KCND2: variants seen among roughly 807,000 people sequenced by gnomAD.
The protein encoded by KCND2 is potassium voltage-gated channel subfamily D member 2, also known as A-type voltage-gated potassium channel KCND2.
Under a neutral mutation model 54.4 loss-of-function variants are expected in KCND2, and 16 were observed. The ratio of observed to expected loss-of-function variants is 0.29; its 90% confidence interval spans 0.20 to 0.45. The LOEUF is 0.45. Ranked by LOEUF, KCND2 falls within the 20% of genes least tolerant of loss-of-function variation. The probability of loss-of-function intolerance (pLI) is 1.00; values close to 1 mark genes in which losing one functional copy is unlikely to be tolerated. For missense variants in KCND2, 486 were observed against 824.2 expected (o/e 0.59, Z 5.02); for synonymous variants, 317 against 310.7 (o/e 1.02, Z -0.21).
chr7:120,505,211 G>T (rs1350494114), intron 1 of KCND2, among the ~76,000 whole-genome samples: 1 of 151,324 alleles, frequency 6.6e-6, no homozygotes, highest in Non-Finnish European at 1.5e-5. Flanking sequence ...GTGAAGACTG[G>T]CGTGAGGTGG....
chr7:120,345,344 G>A (rs536762977), intron 1 of KCND2, among the ~76,000 whole-genome samples: 6 of 152,086 alleles, frequency 3.9e-5, no homozygotes, highest in Non-Finnish European at 8.8e-5. Flanking sequence ...TAACTAGTAC[G>A]ATTAAGACAT....
intron 1 of KCND2, among the ~76,000 whole-genome samples, chr7:120,501,587 GT>G (rs1465010644): frequency 6.6e-6 from 1 of 152,112 alleles, no homozygotes; most frequent in Non-Finnish European, 1.5e-5. Flanking sequence ...GAAATTATTT[GT>G]AAAAGTGAAG....
chr7:120,609,560 G>A (rs912789520), intron 1 of KCND2, among the ~76,000 whole-genome samples: 1 of 152,112 alleles, frequency 6.6e-6, no homozygotes, highest in Non-Finnish European at 1.5e-5. Context: ...TTGTGTTTGA[G>A]TTTTGTGAAC....
intron 4 of KCND2, among the ~76,000 whole-genome samples, chr7:120,744,390 A>G (rs1180776239): frequency 6.6e-6 from 1 of 152,142 alleles, no homozygotes; most frequent in Non-Finnish European, 1.5e-5. Context: ...TGCTACCTAC[A>G]AAAGTATGTA....
chr7:120,336,579 A>G (rs758290596), intron 1 of KCND2, among the ~76,000 whole-genome samples: 1 of 152,224 alleles, frequency 6.6e-6, no homozygotes, highest in Non-Finnish European at 1.5e-5. Flanking sequence ...AAATAATTAC[A>G]TAAACCATTT....
At chr7:120,534,559 G>T (rs746324263) in intron 1 of KCND2, among the ~76,000 whole-genome samples, 7 of 152,116 alleles carry the variant, frequency 4.6e-5, no homozygotes, top group Non-Finnish European at 7.4e-5. Context: ...TGGGATCCTG[G>T]AACAGAAATG....
intron 1 of KCND2, among the ~76,000 whole-genome samples, chr7:120,559,458 A>G (rs752671772): frequency 1.3e-5 from 2 of 152,188 alleles, no homozygotes; most frequent in Admixed American, 6.5e-5. Flanking sequence ...AAGCTTCTGA[A>G]GATCATCCAG....
chr7:120,422,168 C>G (rs539837686), intron 1 of KCND2, among the ~76,000 whole-genome samples: 1 of 152,260 alleles, frequency 6.6e-6, no homozygotes, highest in Admixed American at 6.5e-5. Flanking sequence ...TCTGTACCTG[C>G]TTTCTATAAG....
intron 1 of KCND2, among the ~76,000 whole-genome samples, chr7:120,588,850 A>G (rs1398782147): frequency 2.0e-5 from 3 of 152,202 alleles, no homozygotes; most frequent in African/African-American, 4.8e-5. Context: ...CTTGGGACAT[A>G]ATTGTCCACC....
rs76258870 is a variant in KCND2 at position 120,342,069 on chromosome 7, T to C, written c.1115+66322T>C. On this transcript the variant is annotated intron_variant, in intron 1 of 5. Transcript: ENST00000331113. ...TAATGAAATCTATTTGACTCATGTG[T>C]TGATATTTAGAATAGGGAAGTAAGA... is the stretch of plus-strand genomic sequence containing the variant. Among the ~76,000 whole-genome samples, 11 of 152,264 alleles carry C rather than the reference T, an allele frequency of 7.2e-5. No homozygotes were observed. The East Asian group carries it at 2.1e-3, about 29-fold the overall frequency.
At chr7:120,512,781 G>A (rs1369807329) in intron 1 of KCND2, among the ~76,000 whole-genome samples, 1 of 151,010 alleles carries the variant, frequency 6.6e-6, no homozygotes, top group Non-Finnish European at 1.5e-5. Context: ...GTTTTAGGAT[G>A]CCTTTGAGGT....
intron 1 of KCND2, among the ~76,000 whole-genome samples, chr7:120,305,456 A>AT (rs1341880587): frequency 3.9e-5 from 6 of 151,998 alleles, no homozygotes; most frequent in Non-Finnish European, 7.4e-5. Flanking sequence ...ACAATGAGGG[A>AT]TTTTTTCCCG....
intron 2 of KCND2, among the ~76,000 whole-genome samples, chr7:120,740,161 T>C (rs777472150): frequency 1.6e-4 from 25 of 152,022 alleles, no homozygotes; most frequent in Non-Finnish European, 2.8e-4. Context: ...ACTTGCTCTT[T>C]TATGCTCAGA....
In KCND2 at chr7:120,724,261, A is replaced by G. The variant is rs75295197; in HGVS notation, c.1116-8642A>G. Reference sequence around the variant, plus strand: ...GATAGGCCTGTAAAAATCTAATTCTACTCTCTCAGTTGCAAGTAGCATTGA... The same window carrying G: ...GATAGGCCTGTAAAAATCTAATTCTGCTCTCTCAGTTGCAAGTAGCATTGA... On this transcript the variant is annotated intron_variant, in intron 1 of 5. Transcript: ENST00000331113. Among the ~76,000 whole-genome samples the G allele has an allele frequency of 9.0e-3, 1,368 of 152,152 alleles. 14 individuals are homozygous for G. The highest frequency in any genetic ancestry group is 0.031 in the African/African-American group (1,302 of 41,514).
intron 1 of KCND2, among the ~76,000 whole-genome samples, chr7:120,288,725 A>G (rs1472456243): frequency 1.3e-5 from 2 of 152,106 alleles, no homozygotes; most frequent in African/African-American, 4.8e-5. Context: ...ATGCTGTCTA[A>G]TTAGTTGTGG....
At chr7:120,687,369 A>G (rs988510594) in intron 1 of KCND2, among the ~76,000 whole-genome samples, 2 of 152,166 alleles carry the variant, frequency 1.3e-5, no homozygotes, top group Non-Finnish European at 2.9e-5. Flanking sequence ...AACATAGGCA[A>G]CAGTACCGTA....
At chr7:120,381,595 G>A (rs1485239012) in intron 1 of KCND2, among the ~76,000 whole-genome samples, 1 of 151,972 alleles carries the variant, frequency 6.6e-6, no homozygotes, top group African/African-American at 2.4e-5. Flanking sequence ...AAATTAATGG[G>A]GTAGAGTAAT....
intron 1 of KCND2, among the ~76,000 whole-genome samples, chr7:120,643,509 T>C (rs577680786): frequency 2.0e-5 from 3 of 152,228 alleles, no homozygotes; most frequent in East Asian, 3.9e-4. Flanking sequence ...GTGTTTCATT[T>C]TGAATGTTTA....
intron 1 of KCND2, among the ~76,000 whole-genome samples, chr7:120,541,936 A>C (rs1254178614): frequency 6.6e-6 from 1 of 152,210 alleles, no homozygotes; most frequent in African/African-American, 2.4e-5. Flanking sequence ...AGAATAAATC[A>C]TTATAATGTT....
Sources: allele counts gnomAD v4.1 joint callset (sites outside exome capture counted in the v4.1 genomes callset), GRCh38; gene constraint gnomAD v4.1.1; transcripts MANE v1.5; gene names NCBI Gene and HGNC (gene_info 2026-07-23, HGNC 2026-07-21).